Variants in TANC1 observed in about 807,000 individuals in gnomAD.
TANC1 encodes tetratricopeptide repeat, ankyrin repeat and coiled-coil containing 1, also known as protein TANC1.
TANC1 carries 77 observed loss-of-function variants against 149.7 expected under a neutral mutation model. The ratio of observed to expected loss-of-function variants is 0.51; its 90% CI spans 0.43 to 0.62. The LOEUF (loss-of-function observed/expected upper bound fraction) is 0.62, where lower values mean the gene tolerates loss of function less well. Among genes scored for constraint, TANC1 ranks in the 20% least tolerant of loss-of-function variants. The probability of loss-of-function intolerance (pLI) is 0.00; values close to 1 mark genes in which losing one functional copy is unlikely to be tolerated. For missense variants in TANC1, 1,985 were observed against 2,321.8 expected (o/e 0.85, Z 2.98); for synonymous variants, 854 against 925.0 (o/e 0.92, Z 1.39).
At chr2:159,211,164 C>T (rs2058958815) in intron 19 of TANC1, among the ~76,000 whole-genome samples, 1 of 152,392 alleles carries the variant, frequency 6.6e-6, no homozygotes, top group Middle Eastern at 3.4e-3. Flanking sequence ...AGCCACTGCA[C>T]CTGGCCAGTC....
intron 22 of TANC1, 141 bp from the exon 23 acceptor site, chr2:159,224,091 C>T: frequency 3.1e-6 from 3 of 971,492 alleles, no homozygotes; most frequent in Non-Finnish European, 4.6e-6. Context: ...TGTTTCGTGT[C>T]CACTTTATTT....
chr2:159,160,336 A>G (rs1372118484), intron 7 of TANC1, among the ~76,000 whole-genome samples: 1 of 148,056 alleles, frequency 6.8e-6, no homozygotes, highest in East Asian at 2.0e-4. Flanking sequence ...CTTTTTAGAG[A>G]TTTTTTTTTT....
chr2:159,125,318 T>C (rs1277904887), intron 4 of TANC1, among the ~76,000 whole-genome samples: 2 of 152,220 alleles, frequency 1.3e-5, no homozygotes, highest in African/African-American at 4.8e-5. Context: ...CAGTGTTTCA[T>C]AGACATTATG....
intron 8 of TANC1, among the ~76,000 whole-genome samples, chr2:159,164,407 T>C (rs1018282627): frequency 2.6e-5 from 4 of 152,252 alleles, no homozygotes; most frequent in South Asian, 2.1e-4. Context: ...TACCATTTTA[T>C]AGTAGGAACT....
chr2:159,006,236 C>T (rs2037158064), intron 2 of TANC1, among the ~76,000 whole-genome samples: 1 of 141,374 alleles, frequency 7.1e-6, no homozygotes, highest in African/African-American at 2.7e-5. Flanking sequence ...GCGGAGGTTG[C>T]AGTGAGCCAA....
intron 19 of TANC1, among the ~76,000 whole-genome samples, chr2:159,209,496 C>T (rs1383758012): frequency 6.6e-6 from 1 of 152,094 alleles, no homozygotes; most frequent in Non-Finnish European, 1.5e-5. Flanking sequence ...ATTGCCTGGC[C>T]TTTTGGGGAA....
intron 19 of TANC1, among the ~76,000 whole-genome samples, chr2:159,201,252 G>A (rs545607585): frequency 5.3e-5 from 8 of 152,316 alleles, no homozygotes; most frequent in African/African-American, 1.4e-4. Context: ...GGGGGTTTCA[G>A]CTGAGAGAAC....
intron 7 of TANC1, among the ~76,000 whole-genome samples, chr2:159,151,976 C>T (rs1261619115): frequency 2.0e-5 from 3 of 152,152 alleles, no homozygotes; most frequent in Non-Finnish European, 2.9e-5. Context: ...ACCTTGTGAC[C>T]ATTAGAAGGC....
At chr2:159,112,918 A>AT (rs955846395) in intron 4 of TANC1, among the ~76,000 whole-genome samples, 1 of 150,422 alleles carries the variant, frequency 6.6e-6, no homozygotes, top group East Asian at 2.0e-4. Context: ...GTTTAAGCAG[A>AT]TTTTTTTCTT....
intron 1 of TANC1, among the ~76,000 whole-genome samples, chr2:158,996,110 G>A (rs552324435): frequency 6.6e-6 from 1 of 152,352 alleles, no homozygotes; most frequent in South Asian, 2.1e-4. Context: ...CAGCACTTTG[G>A]GAGGCCAAGG....
chr2:158,994,173 A>G (rs1476016435), intron 1 of TANC1, among the ~76,000 whole-genome samples: 2 of 152,194 alleles, frequency 1.3e-5, no homozygotes, highest in African/African-American at 4.8e-5. Flanking sequence ...TTGTTTTGCA[A>G]TTAACCATAG....
intron 25 of TANC1, 46 bp from the exon 26 acceptor site, chr2:159,228,750 G>C (rs374383963): frequency 7.2e-7 from 1 of 1,396,320 alleles, no homozygotes; most frequent in Non-Finnish European, 1.0e-6. Flanking sequence ...TCCCACAATC[G>C]TGTGTCCAGG....
At chr2:159,094,585 C>T (rs187265010) in intron 3 of TANC1, among the ~76,000 whole-genome samples, 13 of 152,296 alleles carry the variant, frequency 8.5e-5, no homozygotes, top group African/African-American at 1.2e-4. Context: ...TCTGTTTCCT[C>T]GCCAGACAGT....
At chr2:159,156,920 T>C (rs1453964847) in intron 7 of TANC1, among the ~76,000 whole-genome samples, 1 of 152,210 alleles carries the variant, frequency 6.6e-6, no homozygotes, top group Non-Finnish European at 1.5e-5. Flanking sequence ...GTTTCCTTAG[T>C]TGAAGAGCCT....
At chr2:159,192,132 G>T (rs1372862494) in intron 16 of TANC1, among the ~76,000 whole-genome samples, 1 of 152,158 alleles carries the variant, frequency 6.6e-6, no homozygotes, top group Non-Finnish European at 1.5e-5. Flanking sequence ...AGATTACTAA[G>T]TGGGGGATAT....
At chr2:159,064,912 C>T (rs1045247390) in intron 2 of TANC1, among the ~76,000 whole-genome samples, 4 of 152,120 alleles carry the variant, frequency 2.6e-5, no homozygotes, top group Admixed American at 6.5e-5. Flanking sequence ...CTCCCTTCCC[C>T]GTCCTCATTC....
At chr2:158,973,110 T>C (rs954208490) in intron 1 of TANC1, among the ~76,000 whole-genome samples, 1 of 152,214 alleles carries the variant, frequency 6.6e-6, no homozygotes, top group South Asian at 2.1e-4. Context: ...ATAGACAGAA[T>C]GTCAAGGACA....
At chr2:159,176,541 T>C (rs17422070) in intron 13 of TANC1, 23 bp downstream of exon 13, 60,868 of 1,565,612 alleles carry the variant, frequency 0.039, 1,398 homozygotes, top group Non-Finnish European at 0.045. Context: ...TCTCAAATCT[T>C]TCTCCAAGTC....
rs2056159776 is a variant in TANC1, at chr2:159,178,882, G to A, written c.2229G>A (p.Met743Ile). 1.2e-6 allele frequency: 2 copies of A among 1,614,082 alleles called. No homozygotes were observed. Among genetic ancestry groups the A allele is most frequent in the South Asian group, 2.2e-5 (2 of 91,086 alleles). The change falls in exon 14 of 27, where the codon ATG (methionine) becomes ATA (isoleucine). Residue 743 changes from methionine (M) to isoleucine (I), a missense_variant. Met to Ile is a conservative substitution (Grantham distance 10, BLOSUM62 1). This residue lies in a region of TANC1 where 508 missense variants were observed against 714.2 expected (regional missense o/e 0.71). Coordinates refer to ENST00000263635, the MANE Select transcript of TANC1 (RefSeq NM_033394.3). Reference protein sequence around the residue: ...LSELYLLQCNMKFMTQSAFER... With the variant: ...LSELYLLQCNIKFMTQSAFER... ...AGCTCTATTTGCTTCAGTGCAACAT[G>A]AAGTTCATGACCCAGTCCGCCTTTG... is the stretch of plus-strand genomic sequence containing the variant.
Sources: allele counts gnomAD v4.1 joint callset (sites outside exome capture counted in the v4.1 genomes callset), GRCh38; gene constraint gnomAD v4.1.1; regional missense constraint gnomAD v4.1.1; transcripts MANE v1.5; gene names NCBI Gene and HGNC (gene_info 2026-07-23, HGNC 2026-07-21).